The following TACC3 variants were observed in gnomAD, a reference collection of about 807,000 sequenced individuals.
TACC3 encodes the protein transforming acidic coiled-coil containing protein 3.
A neutral mutation model predicts 86.0 loss-of-function variants in TACC3; 52 were observed. The observed-to-expected ratio is 0.60, with a 90% CI of 0.48 to 0.76. The LOEUF is 0.76. Among genes scored for constraint, TACC3 ranks in the 30% least tolerant of loss-of-function variants. TACC3 has a pLI of 0.00. For synonymous variants in TACC3, 512 were observed against 430.0 expected, an observed-to-expected ratio of 1.19 and a Z score of -2.36; for missense variants, 1,120 against 1,070.4, an observed-to-expected ratio of 1.05 and a Z score of -0.65.
chr4:1,724,672 T>G (rs934233907), intron 3 of TACC3, among the ~76,000 whole-genome samples: 2 of 152,146 alleles, frequency 1.3e-5, no homozygotes, highest in African/African-American at 4.8e-5. Flanking sequence ...TGAACTAATC[T>G]GTCTGGGCAC....
chr4:1,735,356 C>A lies in TACC3; in HGVS notation c.1644+31C>A. 1 of 1,613,492 alleles carries A rather than the reference C, an allele frequency of 6.2e-7. No individual in the cohort carries two copies. The highest frequency in any genetic ancestry group is 1.3e-5 in the African/African-American group (1 of 75,064). On this transcript the variant is annotated intron_variant, in intron 7 of 15. Transcript: ENST00000313288. The surrounding 1 kb of genome is among the most constrained non-coding windows in gnomAD (Gnocchi z 4.2). ...TACCAGGCAATTCCGCGAAGCCTCA[C>A]CCACAGGGTGTCCGAGAGCAGCCAC...
chr4:1,737,020 G>A (rs1279260480), intron 8 of TACC3, among the ~76,000 whole-genome samples: 1 of 152,206 alleles, frequency 6.6e-6, no homozygotes, highest in African/African-American at 2.4e-5. Flanking sequence ...TCTCCCGGAA[G>A]GACAAGCAGC....
At position 1,730,905 on chromosome 4, in the gene TACC3, A is replaced by G. The variant is rs1377709645; in HGVS notation, c.1404A>G (p.Ser468=). The G allele has an allele frequency of 1.9e-6, 3 of 1,613,218 alleles. No homozygotes were observed. In the African/African-American group the frequency reaches 4.0e-5, roughly 22 times the overall value. ...PCLSQQLHSA[S]AEDTPVVQLA... ...TCCCCAGGCAGCTGCATTCAGCCTCAGCGGAGGACACGCCTGTGGTGCAGT... is the reference window on the plus strand; with the variant it reads ...TCCCCAGGCAGCTGCATTCAGCCTCGGCGGAGGACACGCCTGTGGTGCAGT... The change falls in exon 5 of 16, where the codon TCA becomes TCG. Residue 468 remains serine (S), a synonymous_variant. Transcript: ENST00000313288.
rs1185288257 is a variant in TACC3, at chr4:1,744,312, G to T, written c.2224-206G>T. 8.8e-6 allele frequency: 5 copies of T among 569,634 alleles called. No homozygotes were observed. In the Admixed American group the frequency reaches 9.2e-5, roughly 10 times the overall value. The allele number at this position is 569,634 out of a possible 1,614,324, so 35.3% of individuals were successfully genotyped here. A position where few individuals can be genotyped will look rare whatever the true frequency, so the allele number is the denominator to read the frequency against. ...CCAGGTTCAGGCCCGGCATCTCAGG[G>T]TGGAGAGCCAGGGCTGTCCTGAACC... On this transcript the variant is annotated intron_variant, in intron 13 of 15. Transcript: ENST00000313288.
At chr4:1,742,117 A>G (rs1354344943) in intron 13 of TACC3, 1 of 152,210 alleles carries the variant, frequency 6.6e-6, no homozygotes, top group Non-Finnish European at 1.5e-5. Context: ...AAACAAAAAC[A>G]AAAACTGTTG....
At chr4:1,727,334 T>C (rs532815290) in intron 3 of TACC3, among the ~76,000 whole-genome samples, 1 of 151,936 alleles carries the variant, frequency 6.6e-6, no homozygotes, top group East Asian at 1.9e-4. Context: ...TGATGACGAG[T>C]GCTGTTTGGG....
At chr4:1,737,402 T>G in intron 9 of TACC3, 74 bp downstream of exon 9, 1 of 1,440,360 alleles carries the variant, frequency 6.9e-7, no homozygotes, top group East Asian at 2.3e-5. Context: ...GGCCTATATT[T>G]TCTATTCCTG....
chr4:1,723,208 C>T (rs1042139209), intron 1 of TACC3: 3 of 595,148 alleles, frequency 5.0e-6, no homozygotes, highest in African/African-American at 1.9e-5. Flanking sequence ...ATGGCTCCCC[C>T]TGCCAGGCTG....
intron 3 of TACC3, among the ~76,000 whole-genome samples, chr4:1,724,089 C>T (rs1717565351): frequency 6.6e-6 from 1 of 152,120 alleles, no homozygotes; most frequent in Non-Finnish European, 1.5e-5. Flanking sequence ...CTGCCTCAGC[C>T]TTCCAAGTAG....
intron 13 of TACC3, among the ~76,000 whole-genome samples, chr4:1,742,693 G>C (rs945716833): frequency 7.9e-5 from 12 of 152,240 alleles, no homozygotes; most frequent in Non-Finnish European, 1.6e-4. Flanking sequence ...CAGCTACTCA[G>C]GAGGCTGAGG....
intron 13 of TACC3, among the ~76,000 whole-genome samples, chr4:1,743,487 A>C (rs981635347): frequency 1.3e-5 from 2 of 152,036 alleles, no homozygotes; most frequent in African/African-American, 4.8e-5. Context: ...CGGGAGGCGG[A>C]GGTTGCAGTG....
chr4:1,740,609 C>T (rs1432892993), intron 12 of TACC3: 1 of 503,272 alleles, frequency 2.0e-6, no homozygotes. Context: ...GGCTCCAGTT[C>T]CCTGCGGATC....
At chr4:1,738,106 A>G in intron 10 of TACC3, 1 of 353,536 alleles carries the variant, frequency 2.8e-6, no homozygotes, top group Non-Finnish European at 5.6e-6. Flanking sequence ...CCCACATCTG[A>G]GGGTCCCGTG....
At position 1,745,052 on chromosome 4, in the gene TACC3, C is replaced by T; in HGVS notation, c.*39C>T. The T allele has an allele frequency of 1.3e-6, 2 of 1,559,034 alleles. No homozygotes were observed. Among genetic ancestry groups the T allele is most frequent in the Non-Finnish European group, 1.7e-6 (2 of 1,149,280 alleles). On this transcript the variant is annotated 3_prime_UTR_variant, in exon 16 of 16. Coordinates refer to ENST00000313288, the MANE Select transcript of TACC3 (RefSeq NM_006342.3). ...GCTGTCCCCGCCCCCCTGCTCCCGTCTGTCTGTCCTGTCTGATTCTCTTAG... is the reference window on the plus strand; with the variant it reads ...GCTGTCCCCGCCCCCCTGCTCCCGTTTGTCTGTCCTGTCTGATTCTCTTAG...
intron 3 of TACC3, among the ~76,000 whole-genome samples, chr4:1,727,273 C>CA (rs748640637): frequency 7.2e-4 from 110 of 152,242 alleles, no homozygotes; most frequent in Non-Finnish European, 1.1e-3. Context: ...ACCCCCCAGG[C>CA]AGCAGCCTGT....
At chr4:1,739,612 C>T (rs1577223222) in intron 10 of TACC3, 90 bp from the exon 11 acceptor site, 4 of 1,248,696 alleles carry the variant, frequency 3.2e-6, no homozygotes, top group East Asian at 2.6e-5. Flanking sequence ...CTCCAGGGAC[C>T]TCGGGTGCGG....
intron 11 of TACC3, 80 bp from the exon 12 acceptor site, chr4:1,739,879 T>TGTCCCC (rs1159317631): frequency 4.1e-6 from 6 of 1,459,026 alleles, no homozygotes; most frequent in Admixed American, 3.8e-5. Flanking sequence ...TCGCCATCCC[T>TGTCCCC]GTCCCCGTCC....
chr4:1,733,966 G>C (rs1718128316), intron 6 of TACC3, among the ~76,000 whole-genome samples: 1 of 142,388 alleles, frequency 7.0e-6, no homozygotes, highest in Non-Finnish European at 1.5e-5. Flanking sequence ...AACAGAGCAA[G>C]ACTCTGTCTC....
intron 11 of TACC3, 26 bp from the exon 12 acceptor site, chr4:1,739,933 G>A (rs780947544): frequency 6.2e-7 from 1 of 1,613,052 alleles, no homozygotes; most frequent in South Asian, 1.1e-5. Flanking sequence ...CGAGGCAATG[G>A]CTGTGTGTCT....
Sources: allele counts gnomAD v4.1 joint callset (sites outside exome capture counted in the v4.1 genomes callset), GRCh38; gene constraint gnomAD v4.1.1; non-coding constraint Gnocchi (gnomAD v3.1); transcripts MANE v1.5; gene names NCBI Gene and HGNC (gene_info 2026-07-23, HGNC 2026-07-21).